Variants in SCFD2 observed in about 807,000 individuals in gnomAD.
SCFD2 encodes the protein sec1 family domain-containing protein 2.
A neutral mutation model predicts 58.9 loss-of-function variants in SCFD2; 54 were observed. The observed-to-expected ratio is 0.92, with a 90% CI of 0.74 to 1.15. The LOEUF (loss-of-function observed/expected upper bound fraction) is 1.15. Among genes scored for constraint, SCFD2 ranks in the 50% most tolerant of loss-of-function variants. The pLI is 0.00. For synonymous variants in SCFD2, 321 were observed against 335.9 expected (o/e 0.96, Z 0.49); for missense variants, 805 against 836.6 (o/e 0.96, Z 0.47).
intron 7 of SCFD2, among the ~76,000 whole-genome samples, chr4:52,903,387 G>A (rs1719270646): frequency 6.6e-6 from 1 of 152,152 alleles, no homozygotes; most frequent in Non-Finnish European, 1.5e-5. Flanking sequence ...TCCTTTGAGG[G>A]TCACTGGAGT....
intron 4 of SCFD2, among the ~76,000 whole-genome samples, chr4:53,193,370 A>G (rs1377033348): frequency 6.6e-6 from 1 of 152,194 alleles, no homozygotes; most frequent in Non-Finnish European, 1.5e-5. Context: ...AAACAGGTCT[A>G]CAGAATACAA....
At chr4:53,300,926 A>C (rs531602659) in intron 3 of SCFD2, among the ~76,000 whole-genome samples, 3 of 152,370 alleles carry the variant, frequency 2.0e-5, no homozygotes, top group African/African-American at 7.2e-5. Flanking sequence ...AACATATCAG[A>C]ATCTCTGGGA....
chr4:52,922,410 T>A (rs1302974942), intron 5 of SCFD2, among the ~76,000 whole-genome samples: 1 of 151,930 alleles, frequency 6.6e-6, no homozygotes, highest in African/African-American at 2.4e-5. Flanking sequence ...ATTTACCTAT[T>A]CTGGACATTT....
At chr4:52,874,578 C>T (rs1718427869) in intron 8 of SCFD2, among the ~76,000 whole-genome samples, 1 of 152,164 alleles carries the variant, frequency 6.6e-6, no homozygotes, top group South Asian at 2.1e-4. Flanking sequence ...ACAATGGAAA[C>T]TTACTGTCTC....
intron 3 of SCFD2, among the ~76,000 whole-genome samples, chr4:53,300,899 A>G (rs974761188): frequency 1.1e-4 from 17 of 152,250 alleles, no homozygotes; most frequent in Non-Finnish European, 2.2e-4. Context: ...CTTTGAAACC[A>G]ACGACAACAA....
At chr4:52,963,443 C>A (rs909272150) in intron 5 of SCFD2, among the ~76,000 whole-genome samples, 1 of 152,170 alleles carries the variant, frequency 6.6e-6, no homozygotes, top group Non-Finnish European at 1.5e-5. Flanking sequence ...TTTCCCATAT[C>A]TTGGAGTCGG....
At chr4:53,330,220 G>A (rs891337053) in intron 2 of SCFD2, among the ~76,000 whole-genome samples, 16 of 152,188 alleles carry the variant, frequency 1.1e-4, no homozygotes, top group African/African-American at 3.4e-4. Context: ...GCAAGCCAAC[G>A]TTCAGATTCA....
Position 53,070,755 on chromosome 4 carries a change from C to T in SCFD2, c.1561+74578G>A, listed in dbSNP as rs181562715. On this transcript the variant is annotated intron_variant, in intron 5 of 8. Transcript: ENST00000401642. Reference sequence around the variant, plus strand: ...TACTCTATAGGTTTACAGAATAAAACGCCTGATTCCACTTTGAAACACTGT... The same window carrying T: ...TACTCTATAGGTTTACAGAATAAAATGCCTGATTCCACTTTGAAACACTGT... 4.6e-5 allele frequency among the ~76,000 whole-genome samples: 7 copies of T among 152,174 alleles called. No individual in the cohort carries two copies. In the East Asian group the frequency reaches 5.8e-4, roughly 13 times the overall value.
chr4:53,275,624 A>C (rs1577922496), intron 3 of SCFD2, among the ~76,000 whole-genome samples: 1 of 152,230 alleles, frequency 6.6e-6, no homozygotes, highest in Non-Finnish European at 1.5e-5. Context: ...AAAATACAGA[A>C]CATTCCCATC....
Position 53,257,529 on chromosome 4 carries a change from G to C in SCFD2, c.1311+16297C>G, listed in dbSNP as rs146984333. Among the ~76,000 whole-genome samples the C allele has an allele frequency of 2.8e-3, 432 of 152,248 alleles. 2 individuals carry two copies. Among genetic ancestry groups the C allele is most frequent in the African/African-American group, 9.9e-3 (411 of 41,546 alleles). ...TCACTAAAAGAGAGTCAGAGAAAGG[G>C]TAAGACCATAGGAAAACTCTTCTTG... On this transcript the variant is annotated intron_variant, in intron 4 of 8. Transcript: ENST00000401642.
chr4:53,274,146 C>CAACT, intron 3 of SCFD2, 145 bp from the exon 4 acceptor site: 1 of 646,488 alleles, frequency 1.5e-6, no homozygotes, highest in Non-Finnish European at 2.4e-6. Flanking sequence ...GTGATTCTTA[C>CAACT]AACTATATAG....
chr4:52,924,471 A>G (rs893689463), intron 5 of SCFD2, among the ~76,000 whole-genome samples: 26 of 152,212 alleles, frequency 1.7e-4, no homozygotes, highest in African/African-American at 1.7e-4. Flanking sequence ...ATTCACAAAT[A>G]TAGTCAATCT....
chr4:52,909,494 G>T (rs921183433), intron 6 of SCFD2, among the ~76,000 whole-genome samples: 1 of 152,192 alleles, frequency 6.6e-6, no homozygotes, highest in East Asian at 1.9e-4. Context: ...AGTTTAAATT[G>T]CTGAAATATG....
At chr4:53,192,700 G>T (rs1727950314) in intron 4 of SCFD2, among the ~76,000 whole-genome samples, 1 of 152,088 alleles carries the variant, frequency 6.6e-6, no homozygotes, top group Admixed American at 6.6e-5. Context: ...TTCCTCCTCT[G>T]CCTTACTCAC....
chr4:53,217,107 A>T (rs1454293489), intron 4 of SCFD2, among the ~76,000 whole-genome samples: 1 of 152,190 alleles, frequency 6.6e-6, no homozygotes, highest in African/African-American at 2.4e-5. Context: ...TGGTGCTGAG[A>T]AGAATGTATA....
At position 53,235,417 on chromosome 4, in the gene SCFD2, G is replaced by A. The variant is rs1447168921; in HGVS notation, c.1311+38409C>T. Among the ~76,000 whole-genome samples the A allele has an allele frequency of 2.6e-5, 4 of 152,210 alleles. No homozygotes were observed. In the East Asian group the frequency reaches 7.7e-4, roughly 29 times the overall value. ...CAAACTACTCCAATTCCCATGAGTG[G>A]GAAGTTATGCCTGCTACTACAAATG... On this transcript the variant is annotated intron_variant, in intron 4 of 8. Coordinates refer to ENST00000401642, the MANE Select transcript of SCFD2 (RefSeq NM_152540.4).
rs757053647 is a variant in SCFD2 at position 52,873,864 on chromosome 4, G to A, written c.*105C>T. On this transcript the variant is annotated 3_prime_UTR_variant, in exon 9 of 9. Transcript: ENST00000401642. ...CTTCAGGCAGAATTCCATCATTCTC[G>A]CAATTAGTGACAGGGACGCTGGTTG... 21 of 754,348 alleles carry A rather than the reference G, an allele frequency of 2.8e-5. No individual in the cohort carries two copies. Among genetic ancestry groups the A allele is most frequent in the Non-Finnish European group, 4.2e-5 (18 of 432,220 alleles). The allele number at this position is 754,348 out of a possible 1,614,324, so 46.7% of individuals were successfully genotyped here.
chr4:53,293,950 A>T (rs1731933674), intron 3 of SCFD2, among the ~76,000 whole-genome samples: 1 of 144,626 alleles, frequency 6.9e-6, no homozygotes, highest in Non-Finnish European at 1.5e-5. Context: ...TTAATTGTTC[A>T]ACTCCGACTT....
At chr4:53,183,323 T>C (rs1727636320) in intron 4 of SCFD2, among the ~76,000 whole-genome samples, 1 of 152,096 alleles carries the variant, frequency 6.6e-6, no homozygotes, top group South Asian at 2.1e-4. Context: ...TATGCAGCCA[T>C]AAAAAATGAT....
Sources: gnomAD v4.1 joint callset for allele counts (sites outside exome capture counted in the v4.1 genomes callset) on GRCh38, gnomAD v4.1.1 for gene constraint, MANE v1.5 for transcripts, NCBI Gene and HGNC (gene_info 2026-07-23, HGNC 2026-07-21) for gene names.